DLC1: variants seen among roughly 807,000 people sequenced by gnomAD.
DLC1 encodes the protein DLC1 Rho GTPase activating protein.
Under a neutral mutation model 140.3 loss-of-function variants are expected in DLC1, and 54 were observed. The ratio of observed to expected loss-of-function variants is 0.38; its 90% CI spans 0.31 to 0.48. The LOEUF is 0.48. Among genes scored for constraint, DLC1 ranks in the 20% least tolerant of loss-of-function variants. The pLI, the probability that DLC1 is intolerant of heterozygous loss-of-function variation, is 0.96. For synonymous variants in DLC1, 986 were observed against 728.1 expected (o/e 1.35, Z -5.70); for missense variants, 2,536 against 1,907.0 (o/e 1.33, Z -6.14).
intron 4 of DLC1, among the ~76,000 whole-genome samples, chr8:13,326,672 C>T (rs1833360131): frequency 6.6e-6 from 1 of 152,138 alleles, no homozygotes; most frequent in Non-Finnish European, 1.5e-5. Flanking sequence ...TTAGCTAGCC[C>T]AGTGGTTCTC....
At chr8:13,319,473 G>GCGC (rs1554496237) in intron 4 of DLC1, among the ~76,000 whole-genome samples, 2 of 86,312 alleles carry the variant, frequency 2.3e-5, no homozygotes, top group East Asian at 6.6e-4. Flanking sequence ...TGCTGGCGGG[G>GCGC]CGGGGGGGGG....
rs544571302 is a variant in DLC1, at chr8:13,100,339, A to T, written c.1998T>A (p.Ser666Arg). 5 of 1,614,166 alleles carry T rather than the reference A, an allele frequency of 3.1e-6. No homozygotes were observed. In the South Asian group the frequency reaches 5.5e-5, roughly 18 times the overall value. The change falls in exon 9 of 18, where the codon AGT becomes AGA. Residue 666 changes from serine (S) to arginine (R), a missense_variant. Transcript: ENST00000276297. ...TCAGGCTCTCCATCCGTTTCAGCAG[A>T]CTGCGCGTCTTGGACTTGGCAGTTT... ...HEKTAKSKTRSLLKRMESLKL... is the reference protein window; with the variant it reads ...HEKTAKSKTRRLLKRMESLKL...
At chr8:13,273,586 A>G (rs137983070) in intron 5 of DLC1, among the ~76,000 whole-genome samples, 2 of 152,276 alleles carry the variant, frequency 1.3e-5, no homozygotes, top group African/African-American at 4.8e-5. Context: ...GCTTAAAAAT[A>G]ACAGACAGGC....
intron 2 of DLC1, among the ~76,000 whole-genome samples, chr8:13,440,510 G>A (rs747651898): frequency 4.6e-5 from 7 of 151,622 alleles, no homozygotes; most frequent in African/African-American, 7.3e-5. Flanking sequence ...TTAAAATTTT[G>A]GTAAAGATAT....
intron 15 of DLC1, among the ~76,000 whole-genome samples, chr8:13,089,648 A>G (rs192400901): frequency 2.2e-3 from 338 of 152,320 alleles, no homozygotes; most frequent in African/African-American, 7.9e-3. Context: ...AAATAAAAAC[A>G]AAAACATCAG....
chr8:13,258,979 T>C (rs1422610954), intron 5 of DLC1, among the ~76,000 whole-genome samples: 2 of 150,984 alleles, frequency 1.3e-5, no homozygotes, highest in African/African-American at 4.9e-5. Flanking sequence ...CTACTAAAAA[T>C]ACAAAAAATT....
At chr8:13,590,009 T>A (rs1374454753) in intron 1 of DLC1, among the ~76,000 whole-genome samples, 1 of 151,106 alleles carries the variant, frequency 6.6e-6, no homozygotes, top group African/African-American at 2.4e-5. Flanking sequence ...CGAACATGCA[T>A]TATTTTAAAA....
intron 1 of DLC1, among the ~76,000 whole-genome samples, chr8:13,552,011 ATGTGTGTGTATATATATATG>A (rs1239494863): frequency 7.1e-6 from 1 of 141,270 alleles, no homozygotes; most frequent in Non-Finnish European, 1.5e-5. Context: ...GTGCATATAT[ATGTGTGTGTATATATATATG>A]TGTGTGTGTA....
intron 4 of DLC1, among the ~76,000 whole-genome samples, chr8:13,332,825 A>C (rs1223394618): frequency 6.6e-6 from 1 of 152,174 alleles, no homozygotes; most frequent in East Asian, 1.9e-4. Flanking sequence ...TTACAGAATT[A>C]ATATAGTTTA....
At chr8:13,409,020 T>C (rs1394937058) in intron 2 of DLC1, among the ~76,000 whole-genome samples, 3 of 152,112 alleles carry the variant, frequency 2.0e-5, no homozygotes, top group African/African-American at 2.4e-5. Flanking sequence ...CCTTATTTTT[T>C]TTTTAAAGTC....
At chr8:13,210,784 G>A (rs1283742867) in intron 5 of DLC1, among the ~76,000 whole-genome samples, 3 of 152,098 alleles carry the variant, frequency 2.0e-5, no homozygotes, top group Non-Finnish European at 4.4e-5. Flanking sequence ...AAATGATTTA[G>A]CCCTTATTAT....
At chr8:13,538,009 T>G (rs1177137468) in intron 1 of DLC1, among the ~76,000 whole-genome samples, 1 of 152,172 alleles carries the variant, frequency 6.6e-6, no homozygotes, top group Non-Finnish European at 1.5e-5. Context: ...CTAAGCAAAT[T>G]ACATCCATTA....
At chr8:13,420,482 C>T (rs1476568754) in intron 2 of DLC1, among the ~76,000 whole-genome samples, 2 of 152,050 alleles carry the variant, frequency 1.3e-5, no homozygotes, top group Non-Finnish European at 2.9e-5. Flanking sequence ...TGGTGGTTTG[C>T]TGCACCTATC....
At chr8:13,488,389 G>T (rs757568724) in intron 2 of DLC1, among the ~76,000 whole-genome samples, 1 of 152,034 alleles carries the variant, frequency 6.6e-6, no homozygotes, top group Non-Finnish European at 1.5e-5. Context: ...CTATAAATTA[G>T]CTATAAAGCC....
intron 4 of DLC1, among the ~76,000 whole-genome samples, chr8:13,357,949 CCTGTAT>C (rs1365605083): frequency 1.3e-5 from 2 of 151,940 alleles, no homozygotes; most frequent in Admixed American, 6.6e-5. Context: ...TTCAAAAATG[CCTGTAT>C]ATATGTATAT....
At chr8:13,330,280 A>AT (rs1833532212) in intron 4 of DLC1, among the ~76,000 whole-genome samples, 1 of 152,256 alleles carries the variant, frequency 6.6e-6, no homozygotes, top group Admixed American at 6.5e-5. Flanking sequence ...AATAAGACCG[A>AT]TTTTTTGCCT....
chr8:13,406,860 G>C (rs1837588350), intron 2 of DLC1, among the ~76,000 whole-genome samples: 1 of 152,178 alleles, frequency 6.6e-6, no homozygotes. Context: ...GCCACAGTCT[G>C]CTTTTTTAAT....
intron 5 of DLC1, among the ~76,000 whole-genome samples, chr8:13,281,398 T>C (rs138778135): frequency 1.8e-4 from 27 of 152,298 alleles, no homozygotes; most frequent in African/African-American, 5.8e-4. Flanking sequence ...TTTCTTCAAA[T>C]TGATTAGCTC....
chr8:13,468,537 C>A (rs941992659), intron 2 of DLC1, among the ~76,000 whole-genome samples: 9 of 151,642 alleles, frequency 5.9e-5, no homozygotes, highest in African/African-American at 2.2e-4. Context: ...CCGTGCTTGC[C>A]TAATTTAACA....
Sources: gnomAD v4.1 joint callset for allele counts (sites outside exome capture counted in the v4.1 genomes callset) on GRCh38, gnomAD v4.1.1 for gene constraint, MANE v1.5 for transcripts, NCBI Gene and HGNC (gene_info 2026-07-23, HGNC 2026-07-21) for gene names.